Variants in RNF128 observed in about 807,000 individuals in gnomAD.
The protein encoded by RNF128 is E3 ubiquitin-protein ligase RNF128.
A neutral mutation model predicts 26.2 loss-of-function variants in RNF128; 13 were observed. That is an observed-to-expected ratio of 0.50 (90% CI 0.32 to 0.79). RNF128 has a LOEUF of 0.79. Ranked by LOEUF, RNF128 falls within the 30% of genes least tolerant of loss-of-function variation. The pLI, the probability that RNF128 is intolerant of heterozygous loss-of-function variation, is 0.03. For synonymous variants in RNF128, 149 were observed against 142.5 expected (o/e 1.05, Z -0.32); for missense variants, 315 against 349.7 (o/e 0.90, Z 0.79).
At chrX:106,768,556 G>T (rs1379147600) in intron 1 of RNF128, among the ~76,000 whole-genome samples, 2 of 111,660 alleles carry the variant, frequency 1.8e-5, no homozygotes, top group Non-Finnish European at 3.8e-5. Flanking sequence ...GGGATTGGTG[G>T]TGATATCCCC....
At chrX:106,749,352 T>G (rs1369589167) in intron 1 of RNF128, among the ~76,000 whole-genome samples, 1 of 111,971 alleles carries the variant, frequency 8.9e-6, no homozygotes, top group Non-Finnish European at 1.9e-5. Flanking sequence ...GCTGGCGCAT[T>G]ATAAGAGACC....
chrX:106,786,681 G>C (rs1930663733), intron 3 of RNF128, among the ~76,000 whole-genome samples: 1 of 110,824 alleles, frequency 9.0e-6, no homozygotes, highest in African/African-American at 3.3e-5. Flanking sequence ...GTACAGACTG[G>C]GAGAAAATAT....
intron 1 of RNF128, among the ~76,000 whole-genome samples, chrX:106,702,854 A>G (rs1415857214): frequency 8.9e-6 from 1 of 111,858 alleles, no homozygotes; most frequent in Non-Finnish European, 1.9e-5. Context: ...GTCCCTCATC[A>G]CATCATGCAA....
chrX:106,697,714 A>C (rs963113453), intron 1 of RNF128, among the ~76,000 whole-genome samples: 1 of 110,972 alleles, frequency 9.0e-6, no homozygotes, highest in East Asian at 2.8e-4. Context: ...CAGCCTCCCT[A>C]CTAAGAGTGT....
intron 1 of RNF128, among the ~76,000 whole-genome samples, chrX:106,764,086 C>T (rs1402869005): frequency 9.1e-6 from 1 of 109,583 alleles, no homozygotes; most frequent in Non-Finnish European, 1.9e-5. Context: ...CCTCAGCCTC[C>T]CCAGTAGCTG....
intron 2 of RNF128, among the ~76,000 whole-genome samples, chrX:106,779,470 T>TA (rs1277954901): frequency 9.2e-6 from 1 of 109,155 alleles, no homozygotes; most frequent in East Asian, 2.9e-4. Context: ...TTTATTCATC[T>TA]AAAAAATTTG....
intron 1 of RNF128, among the ~76,000 whole-genome samples, chrX:106,695,778 C>T (rs1481158439): frequency 8.9e-6 from 1 of 111,820 alleles, no homozygotes; most frequent in Non-Finnish European, 1.9e-5. Context: ...ACTTAGAGAT[C>T]CTGAATACTC....
chrX:106,736,066 T>G (rs965915029), intron 1 of RNF128, among the ~76,000 whole-genome samples: 1 of 111,391 alleles, frequency 9.0e-6, no homozygotes, highest in African/African-American at 3.3e-5. Flanking sequence ...TATGAAGAAT[T>G]CAATATATTG....
At chrX:106,755,851 A>G (rs914818537) in intron 1 of RNF128, among the ~76,000 whole-genome samples, 40 of 110,660 alleles carry the variant, frequency 3.6e-4, no homozygotes, top group African/African-American at 1.2e-3. Context: ...GTCTCAGCCC[A>G]AAATCTCCTT....
rs747246887 is a variant in RNF128, at chrX:106,726,830, G to A, written c.-84G>A. The A allele has an allele frequency of 3.7e-6, 4 of 1,089,525 alleles. No homozygotes were observed. In the African/African-American group the frequency reaches 7.5e-5, roughly 20 times the overall value. The allele number at this position is 1,089,525 out of a possible 1,213,427, so 89.8% of individuals were successfully genotyped here. A position where few individuals can be genotyped will look rare whatever the true frequency, so the allele number is the denominator to read the frequency against. ...TCACTCCATTCCTTCCCCACCTGGCGCGCACCTGCTCAAGACCAGGGTCCT... is the reference window on the plus strand; with the variant it reads ...TCACTCCATTCCTTCCCCACCTGGCACGCACCTGCTCAAGACCAGGGTCCT... On this transcript the variant is annotated 5_prime_UTR_variant, in exon 1 of 7. Coordinates refer to ENST00000255499, the MANE Select transcript of RNF128 (RefSeq NM_194463.2).
intron 2 of RNF128, among the ~76,000 whole-genome samples, chrX:106,777,989 C>T: frequency 9.0e-6 from 1 of 111,533 alleles, no homozygotes; most frequent in African/African-American, 3.3e-5. Flanking sequence ...TCTTTTCTTC[C>T]TTATGATTTT....
At position 106,795,855 on chromosome X, in the gene RNF128, T is replaced by A; in HGVS notation, c.*142T>A. 2.4e-6 allele frequency: 1 copy of A among 424,659 alleles called. No individual in the cohort carries two copies. Among genetic ancestry groups the A allele is most frequent in the Non-Finnish European group, 3.7e-6 (1 of 271,484 alleles). The allele number at this position is 424,659 out of a possible 1,213,427, so 35.0% of individuals were successfully genotyped here. ...CAGATGACTAATATTATGCTATAGT[T>A]AAATGGCTTAAAATATTTAACCTGT... On this transcript the variant is annotated 3_prime_UTR_variant, in exon 7 of 7. Transcript: ENST00000255499.
rs191708833 is a variant in RNF128, at chrX:106,755,763, G to C, written c.485-17150G>C. 2.7e-5 allele frequency among the ~76,000 whole-genome samples: 3 copies of C among 110,673 alleles called. No individual in the cohort carries two copies. In the Admixed American group the frequency reaches 2.9e-4, roughly 11 times the overall value. ...AATTAGGCAGGAGAAGGAAATAAAG[G>C]GTATTCAATTAGGAAAAGAGGAAGT... On this transcript the variant is annotated intron_variant, in intron 1 of 6. Transcript: ENST00000255499.
intron 1 of RNF128, among the ~76,000 whole-genome samples, chrX:106,756,735 A>G (rs1234549725): frequency 9.3e-6 from 1 of 108,080 alleles, no homozygotes; most frequent in African/African-American, 3.4e-5. Context: ...AAATTGACAA[A>G]TGGGATCTAA....
At chrX:106,779,240 T>A (rs1930521921) in intron 2 of RNF128, among the ~76,000 whole-genome samples, 1 of 111,171 alleles carries the variant, frequency 9.0e-6, no homozygotes, top group African/African-American at 3.3e-5. Context: ...GAAGTATGAT[T>A]GACAAATAAA....
chrX:106,768,251 C>T (rs1475764058), intron 1 of RNF128, among the ~76,000 whole-genome samples: 1 of 111,679 alleles, frequency 9.0e-6, no homozygotes, highest in Non-Finnish European at 1.9e-5. Flanking sequence ...GGAAGGATTC[C>T]CTCTTTTTCT....
intron 1 of RNF128, among the ~76,000 whole-genome samples, chrX:106,712,565 A>G (rs1414828196): frequency 7.2e-5 from 8 of 111,375 alleles, no homozygotes; most frequent in Non-Finnish European, 1.5e-4. Context: ...TTTTTGCAAG[A>G]CAGAAGTTCC....
chrX:106,775,738 T>G (rs1405703453), intron 2 of RNF128, among the ~76,000 whole-genome samples: 1 of 112,177 alleles, frequency 8.9e-6, no homozygotes, highest in East Asian at 2.8e-4. Context: ...CTGATTATAA[T>G]TATCACTAAA....
At chrX:106,718,326 C>T (rs1488425244) in intron 1 of RNF128, among the ~76,000 whole-genome samples, 1 of 111,650 alleles carries the variant, frequency 9.0e-6, no homozygotes, top group African/African-American at 3.3e-5. Flanking sequence ...TTTTCCCCCT[C>T]TCGAAAATCA....
Sources: gnomAD v4.1 joint callset for allele counts (sites outside exome capture counted in the v4.1 genomes callset) on GRCh38, gnomAD v4.1.1 for gene constraint, MANE v1.5 for transcripts, NCBI Gene and HGNC (gene_info 2026-07-23, HGNC 2026-07-21) for gene names.